The following CPS1 variants were observed in gnomAD, a reference collection of about 807,000 sequenced individuals.
CPS1 encodes carbamoyl-phosphate synthase [ammonia], mitochondrial.
Under a neutral mutation model 174.6 loss-of-function variants are expected in CPS1, and 109 were observed. The ratio of observed to expected loss-of-function variants is 0.62; its 90% confidence interval spans 0.53 to 0.73. The LOEUF is 0.73. Ranked by LOEUF, CPS1 falls within the 30% of genes least tolerant of loss-of-function variation. The pLI is 0.00. For missense variants in CPS1, 1,689 were observed against 1,821.9 expected, an observed-to-expected ratio of 0.93 and a Z score of 1.33; for synonymous variants, 637 against 632.0, an observed-to-expected ratio of 1.01 and a Z score of -0.12.
intron 1 of CPS1, among the ~76,000 whole-genome samples, chr2:210,572,667 TA>T (rs1423232906): frequency 1.3e-5 from 2 of 152,016 alleles, no homozygotes; most frequent in African/African-American, 2.4e-5. Flanking sequence ...TTAACTCTAA[TA>T]AAAAAGCAAA....
chr2:210,620,786 A>G (rs183786849), intron 21 of CPS1, among the ~76,000 whole-genome samples: 1 of 152,142 alleles, frequency 6.6e-6, no homozygotes, highest in Non-Finnish European at 1.5e-5. Context: ...ATCTGCTCCC[A>G]TTATCCAGTC....
At chr2:210,668,383 G>A (rs1701176712) in intron 34 of CPS1, 99 bp downstream of exon 34, 2 of 876,928 alleles carry the variant, frequency 2.3e-6, no homozygotes, top group East Asian at 2.4e-5. Context: ...AGGGAGATTT[G>A]TTTTACGTTT....
In CPS1 at chr2:210,637,804, G is replaced by A; in HGVS notation, c.2790G>A (p.Glu930=). The A allele has an allele frequency of 3.1e-6, 5 of 1,613,944 alleles. No individual in the cohort carries two copies. The highest frequency in any genetic ancestry group is 1.1e-5 in the South Asian group (1 of 91,082). The change falls in exon 22 of 38, where the codon GAG becomes GAA. Residue 930 remains glutamate (E), a synonymous_variant. Transcript: ENST00000233072. ...GGCTCACTGAGGCCCAGACAAGGGAGCTGAGGTTAAAGAAAAACATCCACC... is the reference window on the plus strand; with the variant it reads ...GGCTCACTGAGGCCCAGACAAGGGAACTGAGGTTAAAGAAAAACATCCACC... The part of the protein sequence containing the change: ...CLGLTEAQTR[E]LRLKKNIHPW...
chr2:210,599,619 T>C, intron 14 of CPS1, 58 bp downstream of exon 14: 6 of 1,543,524 alleles, frequency 3.9e-6, no homozygotes, highest in Non-Finnish European at 5.4e-6. Flanking sequence ...GTGTAATGTA[T>C]TTTATTTGAG....
chr2:210,678,006 C>A lies in CPS1; in HGVS notation c.*21C>A. 1 of 1,560,238 alleles carries A rather than the reference C, an allele frequency of 6.4e-7. No individual in the cohort carries two copies. Among genetic ancestry groups the A allele is most frequent in the Non-Finnish European group, 8.8e-7 (1 of 1,130,950 alleles). On this transcript the variant is annotated 3_prime_UTR_variant, in exon 38 of 38. Coordinates refer to ENST00000233072, the MANE Select transcript of CPS1 (RefSeq NM_001875.5). ...CATAGAGATGCAGACACCCCAGCCCCATTATTAAATCAACCTGAGCCACAT... is the reference window on the plus strand; with the variant it reads ...CATAGAGATGCAGACACCCCAGCCCAATTATTAAATCAACCTGAGCCACAT...
At chr2:210,559,162 G>A (rs567086720) in intron 1 of CPS1, among the ~76,000 whole-genome samples, 1 of 152,142 alleles carries the variant, frequency 6.6e-6, no homozygotes, top group South Asian at 2.1e-4. Flanking sequence ...ATATTTTAAA[G>A]ATAGTTAAAA....
chr2:210,638,576 G>A (rs746713781), intron 22 of CPS1, among the ~76,000 whole-genome samples: 1 of 152,046 alleles, frequency 6.6e-6, no homozygotes, highest in Non-Finnish European at 1.5e-5. Context: ...CTTCTCACCT[G>A]CCTTACACCA....
intron 6 of CPS1, 68 bp downstream of exon 6, chr2:210,582,777 A>G (rs1442842564): frequency 8.2e-7 from 1 of 1,224,732 alleles, no homozygotes; most frequent in Non-Finnish European, 1.2e-6. Flanking sequence ...AAATATCAAA[A>G]TCTTTATTTA....
intron 4 of CPS1, among the ~76,000 whole-genome samples, chr2:210,578,745 A>G (rs61291087): frequency 0.024 from 3,670 of 152,260 alleles, 122 homozygotes; most frequent in African/African-American, 0.075. Flanking sequence ...CTTCTCAACT[A>G]TTATCTGAAT....
intron 11 of CPS1, among the ~76,000 whole-genome samples, chr2:210,593,917 C>G (rs1698393245): frequency 6.6e-6 from 1 of 151,698 alleles, no homozygotes; most frequent in South Asian, 2.1e-4. Flanking sequence ...TTTAAATTAG[C>G]ATATATTAGT....
At chr2:210,584,192 A>G (rs1239612318) in intron 6 of CPS1, among the ~76,000 whole-genome samples, 1 of 152,000 alleles carries the variant, frequency 6.6e-6, no homozygotes, top group Non-Finnish European at 1.5e-5. Context: ...CTTTCCTAGG[A>G]CTATGTATTT....
chr2:210,634,680 G>T (rs7558276), intron 21 of CPS1, among the ~76,000 whole-genome samples: 17,989 of 152,084 alleles, frequency 0.12, 2,203 homozygotes, highest in African/African-American at 0.31. Context: ...TTGGCTATTT[G>T]TGCTTCCTAA....
chr2:210,552,153 C>T (rs530117622), upstream of CPS1, among the ~76,000 whole-genome samples: 56 of 152,098 alleles, frequency 3.7e-4, no homozygotes, highest in African/African-American at 1.3e-3. Context: ...TGGTCAAACA[C>T]AAAACAGTAG....
intron 1 of CPS1, among the ~76,000 whole-genome samples, chr2:210,539,764 C>T (rs1262413088): frequency 6.6e-6 from 1 of 152,150 alleles, no homozygotes; most frequent in African/African-American, 2.4e-5. Flanking sequence ...TCATTTGTCC[C>T]TTGTCTGTTA....
At chr2:210,497,889 C>CAT (rs1401841718) in intron 1 of CPS1, among the ~76,000 whole-genome samples, 4,717 of 62,864 alleles carry the variant, frequency 0.075, 190 homozygotes, top group African/African-American at 0.11. Context: ...ACAATATATA[C>CAT]ATACATATAT....
At chr2:210,553,668 G>A (rs1389961082), upstream of CPS1, among the ~76,000 whole-genome samples, 1 of 151,946 alleles carries the variant, frequency 6.6e-6, no homozygotes, top group Non-Finnish European at 1.5e-5. Context: ...CTGTGTACAT[G>A]TGGTCAGAGA....
At chr2:210,627,155 T>G (rs1242871278) in intron 21 of CPS1, among the ~76,000 whole-genome samples, 1 of 152,166 alleles carries the variant, frequency 6.6e-6, no homozygotes, top group Non-Finnish European at 1.5e-5. Flanking sequence ...GGAGACATTG[T>G]GAGGAATTTG....
At chr2:210,485,569 T>C (rs542447989) in intron 1 of CPS1, among the ~76,000 whole-genome samples, 1 of 152,312 alleles carries the variant, frequency 6.6e-6, no homozygotes, top group African/African-American at 2.4e-5. Context: ...CTCAGTATAA[T>C]TATTTTTAGA....
Position 210,507,664 on chromosome 2 carries a change from A to G in CPS1, c.3+29898A>G, listed in dbSNP as rs571715619. Reference sequence around the variant, plus strand: ...CATGCAGAGACACACATAGGCTCAAAATAAAGGGATGGAGGAAGATCTACC... The same window carrying G: ...CATGCAGAGACACACATAGGCTCAAGATAAAGGGATGGAGGAAGATCTACC... On this transcript the variant is annotated intron_variant, in intron 1 of 38. Transcript: ENST00000430249. Among the ~76,000 whole-genome samples the G allele has an allele frequency of 6.9e-4, 104 of 151,614 alleles. 2 individuals are homozygous for G. Among genetic ancestry groups the G allele is most frequent in the Admixed American group, 6.3e-3 (96 of 15,218 alleles).
Sources: allele counts gnomAD v4.1 joint callset (sites outside exome capture counted in the v4.1 genomes callset), GRCh38; gene constraint gnomAD v4.1.1; transcripts MANE v1.5; gene names NCBI Gene and HGNC (gene_info 2026-07-23, HGNC 2026-07-21).